STAG3: variants seen among roughly 807,000 people sequenced by gnomAD.
STAG3 encodes STAG3 cohesin complex component.
STAG3 carries 101 observed loss-of-function variants against 160.7 expected under a neutral mutation model. That is an observed-to-expected ratio of 0.63 (90% CI 0.54 to 0.74). STAG3 has a LOEUF of 0.74. Among genes scored for constraint, STAG3 ranks in the 30% least tolerant of loss-of-function variants. The probability of loss-of-function intolerance (pLI) is 0.00; values close to 1 mark genes in which losing one functional copy is unlikely to be tolerated. For missense variants in STAG3, 1,188 were observed against 1,517.4 expected (o/e 0.78, Z 3.61); for synonymous variants, 519 against 585.0 (o/e 0.89, Z 1.63).
At position 100,205,106 on chromosome 7, in the gene STAG3, G is replaced by C. The variant is rs746271999; in HGVS notation, c.3053G>C (p.Arg1018Pro). The stretch of plus-strand genomic sequence containing the variant: ...GAGCTCCTTTCAGAGTTTTCCCCCC[G>C]ACTCTTCCATCAGGACAAGCAGCTT... The part of the protein sequence containing the change: ...FLELLSEFSP[R>P]LFHQDKQLLL... Residue 1018 changes from arginine to proline, a missense_variant, in exon 28 of 34, where the codon CGA becomes CCA. By Grantham distance (103) the Arg-to-Pro change is moderately radical. Transcript: ENST00000615138. 3 of 1,614,010 alleles carry C rather than the reference G, an allele frequency of 1.9e-6. No individual in the cohort carries two copies. The highest frequency in any genetic ancestry group is 1.7e-5 in the Admixed American group (1 of 60,006).
At chr7:100,206,419 T>A (rs560557157) in intron 29 of STAG3, among the ~76,000 whole-genome samples, 1 of 152,282 alleles carries the variant, frequency 6.6e-6, no homozygotes, top group South Asian at 2.1e-4. Context: ...TGTACATTTT[T>A]AAATGGGACT....
Position 100,204,750 on chromosome 7 carries a change from C to T in STAG3, c.2926C>T (p.Arg976Cys), listed in dbSNP as rs751623475. The change falls in exon 27 of 34, where the codon CGT becomes TGT. Residue 976 changes from arginine (R) to cysteine (C), a missense_variant. This residue lies in a region of STAG3 where 647 missense variants were observed against 717.2 expected (regional missense o/e 0.90). Transcript: ENST00000615138. ...TTTTGGACCCCAGCAGCTGCAGAAC[C>T]GTGACCTCGTGGTCATGCTACACAA... ...LSFGPQQLQN[R>C]DLVVMLHKEG... is the part of the protein sequence containing the mutation. The T allele has an allele frequency of 4.3e-6, 7 of 1,613,662 alleles. No homozygotes were observed. The highest frequency in any genetic ancestry group is 3.3e-5 in the Admixed American group (2 of 59,932).
At chr7:100,189,686 T>G in intron 8 of STAG3, 90 bp downstream of exon 8, 1 of 1,439,024 alleles carries the variant, frequency 6.9e-7, no homozygotes, top group Non-Finnish European at 9.4e-7. Flanking sequence ...TGGGCAGTCT[T>G]TCAAGATCAT....
At chr7:100,216,605 C>T (rs942141059), downstream of STAG3, among the ~76,000 whole-genome samples, 1 of 152,010 alleles carries the variant, frequency 6.6e-6, no homozygotes, top group Non-Finnish European at 1.5e-5. Context: ...TTGAGACCAT[C>T]CTGGCCAACA....
At chr7:100,192,222 G>A (rs998965168) in intron 8 of STAG3, among the ~76,000 whole-genome samples, 1 of 152,144 alleles carries the variant, frequency 6.6e-6, no homozygotes, top group African/African-American at 2.4e-5. Flanking sequence ...GTTCTTTATG[G>A]CATTTAAAAT....
chr7:100,217,611 G>C (rs1328877442), downstream of STAG3, among the ~76,000 whole-genome samples: 1 of 152,100 alleles, frequency 6.6e-6, no homozygotes, highest in Non-Finnish European at 1.5e-5. Context: ...CTGAATGCCT[G>C]ACCGCGCTGC....
chr7:100,199,409 CT>C, intron 15 of STAG3, 42 bp downstream of exon 15: 1 of 1,573,150 alleles, frequency 6.4e-7, no homozygotes, highest in Non-Finnish European at 8.7e-7. Context: ...CTTCCACCCC[CT>C]AGGGTGAAAC....
At chr7:100,182,036 T>C in intron 2 of STAG3, 54 bp from the exon 3 acceptor site, 3 of 1,349,002 alleles carry the variant, frequency 2.2e-6, no homozygotes, top group Non-Finnish European at 3.2e-6. Flanking sequence ...AATTAGCCTT[T>C]TATATGGAGG....
rs1028262117 is a variant in STAG3, at chr7:100,195,391, A to G, written c.941+9A>G. 1.2e-6 allele frequency: 2 copies of G among 1,612,522 alleles called. No homozygotes were observed. Among genetic ancestry groups the G allele is most frequent in the African/African-American group, 2.7e-5 (2 of 74,850 alleles). Reference sequence around the variant, plus strand: ...TTTGTTCATCGGTACAGGTGAGCTAATGGGCCTCTCTCATTGAAGCAGCTG... The same window carrying G: ...TTTGTTCATCGGTACAGGTGAGCTAGTGGGCCTCTCTCATTGAAGCAGCTG... On this transcript the variant is annotated intron_variant, in intron 9 of 33. Coordinates refer to ENST00000615138, the MANE Select transcript of STAG3 (RefSeq NM_001282717.2).
Position 100,199,616 on chromosome 7 carries a change from C to T in STAG3, c.1649C>T (p.Pro550Leu), listed in dbSNP as rs775113819. The stretch of plus-strand genomic sequence containing the variant: ...GCCCGGCAAGCTTCAGAGGGGCACC[C>T]GCCTGTGGGCCGGGTCACTGGGAGG... Reference protein sequence around the residue: ...SSARQASEGHPPVGRVTGRKG... With the variant: ...SSARQASEGHLPVGRVTGRKG... The change falls in exon 16 of 34, where the codon CCG (proline) becomes CTG (leucine). Residue 550 changes from proline (P) to leucine (L), a missense_variant. Coordinates refer to ENST00000615138, the MANE Select transcript of STAG3 (RefSeq NM_001282717.2). 16 of 1,602,654 alleles carry T rather than the reference C, an allele frequency of 1.0e-5. No homozygotes were observed. Among genetic ancestry groups the T allele is most frequent in the East Asian group, 4.5e-5 (2 of 44,794 alleles).
chr7:100,190,301 C>G (rs1800276693), intron 8 of STAG3, among the ~76,000 whole-genome samples: 1 of 152,106 alleles, frequency 6.6e-6, no homozygotes, highest in South Asian at 2.1e-4. Context: ...GGTGTTTTCT[C>G]CTCACTCTCT....
intron 25 of STAG3, 120 bp downstream of exon 25, chr7:100,202,710 T>A: frequency 7.5e-7 from 1 of 1,339,770 alleles, no homozygotes; most frequent in Non-Finnish European, 1.0e-6. Flanking sequence ...AAAGGAGAAG[T>A]AGGAGGGAAA....
rs1474148368 is a variant in STAG3 at position 100,204,763 on chromosome 7, T to C, written c.2939T>C (p.Val980Ala). The change falls in exon 27 of 34, where the codon GTC (valine) becomes GCC (alanine). Residue 980 changes from valine (V) to alanine (A), a missense_variant. Around this residue, in one of 4 missense-constraint regions of STAG3, gnomAD observed 647 missense variants for 717.2 expected, o/e 0.90. Coordinates refer to ENST00000615138, the MANE Select transcript of STAG3 (RefSeq NM_001282717.2). ...PQQLQNRDLV[V>A]MLHKEGIQFS... ...CAGCTGCAGAACCGTGACCTCGTGGTCATGCTACACAAGTAGGAAGTATTG... is the reference window on the plus strand; with the variant it reads ...CAGCTGCAGAACCGTGACCTCGTGGCCATGCTACACAAGTAGGAAGTATTG... 17 of 1,613,502 alleles carry C rather than the reference T, an allele frequency of 1.1e-5. No individual in the cohort carries two copies. Among genetic ancestry groups the C allele is most frequent in the Non-Finnish European group, 1.4e-5 (17 of 1,179,894 alleles).
intron 12 of STAG3, 149 bp downstream of exon 12, chr7:100,198,315 G>A (rs1342917259): frequency 3.7e-6 from 4 of 1,082,072 alleles, no homozygotes; most frequent in African/African-American, 3.1e-5. Flanking sequence ...TAATATTTCT[G>A]TCTTCTCTAA....
chr7:100,213,959 T>C, intron 33 of STAG3, 48 bp from the exon 34 acceptor site: 1 of 1,614,142 alleles, frequency 6.2e-7, no homozygotes. Flanking sequence ...GTCTGCCCAT[T>C]GGCCCGTTGC....
Position 100,188,545 on chromosome 7 carries a change from C to G in STAG3, c.510+16C>G. 1.3e-6 allele frequency: 2 copies of G among 1,581,022 alleles called. No homozygotes were observed. The highest frequency in any genetic ancestry group is 1.7e-6 in the Non-Finnish European group (2 of 1,149,800). ...GTTTAATGAGGTGGAAGAAGATGAC[C>G]AGGATCCTCTTACCCCTCTTATTTC... is the stretch of plus-strand genomic sequence containing the variant. On this transcript the variant is annotated intron_variant, in intron 6 of 33. Coordinates refer to ENST00000615138, the MANE Select transcript of STAG3 (RefSeq NM_001282717.2).
Position 100,211,077 on chromosome 7 carries a change from T to TTCCCCC in STAG3, c.3305_3306insTCCCCC (p.Pro1103_Pro1104dup). The TTCCCCC allele has an allele frequency of 5.0e-6, 8 of 1,600,716 alleles. No homozygotes were observed. The highest frequency in any genetic ancestry group is 6.8e-6 in the Non-Finnish European group (8 of 1,168,764). ...GAAGAAAGTCTGCAGCTGAACAGCA[T>TTCCCCC]CCCGCCCACGCCCACCCTCACCTCC... On this transcript the variant is annotated inframe_insertion, in exon 30 of 34. Transcript: ENST00000615138.
In STAG3 at chr7:100,196,975, A is replaced by T. The variant is rs1800730752; in HGVS notation, c.942-181A>T. 2.0e-5 allele frequency among the ~76,000 whole-genome samples: 3 copies of T among 152,198 alleles called. No homozygotes were observed. The South Asian group carries it at 6.2e-4, about 32-fold the overall frequency. On this transcript the variant is annotated intron_variant, in intron 9 of 33. Transcript: ENST00000615138. The stretch of plus-strand genomic sequence containing the variant: ...GCAAGAGATCCTATCCCTTAAAAAA[A>T]ATATTTACATGTATTTTACTATATA...
chr7:100,192,938 G>A (rs1023044486), intron 8 of STAG3, among the ~76,000 whole-genome samples: 5 of 152,212 alleles, frequency 3.3e-5, no homozygotes, highest in Admixed American at 3.3e-4. Flanking sequence ...AGGAATCACT[G>A]TGGCAGCTAT....
Sources: allele counts gnomAD v4.1 joint callset (sites outside exome capture counted in the v4.1 genomes callset), GRCh38; gene constraint gnomAD v4.1.1; regional missense constraint gnomAD v4.1.1; transcripts MANE v1.5; gene names NCBI Gene and HGNC (gene_info 2026-07-23, HGNC 2026-07-21).